The following BCKDHB variants were observed in gnomAD, a reference collection of about 807,000 sequenced individuals.
BCKDHB encodes branched chain keto acid dehydrogenase E1 subunit beta, also known as 2-oxoisovalerate dehydrogenase subunit beta, mitochondrial.
BCKDHB carries 41 observed loss-of-function variants against 48.5 expected under a neutral mutation model. The ratio of observed to expected loss-of-function variants is 0.85; its 90% CI spans 0.66 to 1.10. The LOEUF is 1.10. Ranked by LOEUF, BCKDHB falls within the 50% of genes least tolerant of loss-of-function variation. The pLI is 0.00. For missense variants in BCKDHB, 496 were observed against 494.2 expected, an observed-to-expected ratio of 1.00 and a Z score of -0.03; for synonymous variants, 201 against 174.8, an observed-to-expected ratio of 1.15 and a Z score of -1.18.
intron 8 of BCKDHB, among the ~76,000 whole-genome samples, chr6:80,265,687 T>G (rs1223835527): frequency 2.0e-5 from 3 of 152,026 alleles, no homozygotes; most frequent in Non-Finnish European, 4.4e-5. Flanking sequence ...TAAAAATGAT[T>G]AAAAGGGGAA....
chr6:80,382,208 G>A, the BCKDHB span, among the ~76,000 whole-genome samples: 1 of 152,054 alleles, frequency 6.6e-6, no homozygotes, highest in African/African-American at 2.4e-5. Context: ...AATAAGATGT[G>A]GAAGACCTAG....
intron 1 of BCKDHB, among the ~76,000 whole-genome samples, chr6:80,117,503 C>T (rs547025663): frequency 6.6e-6 from 1 of 152,320 alleles, no homozygotes; most frequent in East Asian, 1.9e-4. Context: ...CATAAACTGG[C>T]CCCAAAACTG....
In BCKDHB at chr6:80,206,583, G is replaced by A. The variant is rs1462652885; in HGVS notation, c.951+3371G>A. Among the ~76,000 whole-genome samples, 6 of 151,426 alleles carry A rather than the reference G, an allele frequency of 4.0e-5. No homozygotes were observed. In the East Asian group the frequency reaches 5.8e-4, roughly 15 times the overall value. Reference sequence around the variant, plus strand: ...TGTGTGTGTGTACATGTATGTATATGGATCAAGTAAACTTTGTGGAGCCAT... The same window carrying A: ...TGTGTGTGTGTACATGTATGTATATAGATCAAGTAAACTTTGTGGAGCCAT... On this transcript the variant is annotated intron_variant, in intron 8 of 9. Transcript: ENST00000320393.
chr6:80,110,234 G>T (rs992096262), intron 1 of BCKDHB, among the ~76,000 whole-genome samples: 3 of 152,130 alleles, frequency 2.0e-5, no homozygotes, highest in Non-Finnish European at 4.4e-5. Flanking sequence ...GTATGGATGT[G>T]AGTTTGTTTA....
At chr6:80,153,863 G>C (rs539431127) in intron 3 of BCKDHB, among the ~76,000 whole-genome samples, 1 of 152,288 alleles carries the variant, frequency 6.6e-6, no homozygotes, top group East Asian at 1.9e-4. Flanking sequence ...TTAAACCCAT[G>C]TATCGTGATG....
At chr6:80,194,886 A>C (rs376296935) in intron 6 of BCKDHB, among the ~76,000 whole-genome samples, 1 of 152,262 alleles carries the variant, frequency 6.6e-6, no homozygotes, top group East Asian at 1.9e-4. Flanking sequence ...TCCTTTTGCC[A>C]TAATACTCAG....
chr6:80,410,379 A>G, the BCKDHB span, among the ~76,000 whole-genome samples: 54 of 152,172 alleles, frequency 3.5e-4, 1 homozygote, highest in South Asian at 1.5e-3. Context: ...TGCCCTTAAC[A>G]TTGTTTCCTT....
At chr6:80,370,891 G>T in the BCKDHB span, among the ~76,000 whole-genome samples, 4 of 151,762 alleles carry the variant, frequency 2.6e-5, no homozygotes, top group East Asian at 5.8e-4. Flanking sequence ...CTCATTGATT[G>T]ATGGGGATTT....
chr6:80,129,267 C>A (rs879137299), intron 3 of BCKDHB, 38 bp downstream of exon 3: 3 of 1,522,108 alleles, frequency 2.0e-6, no homozygotes, highest in South Asian at 1.1e-5. Flanking sequence ...TCTGATAGAA[C>A]TTTTACTAAA....
intron 1 of BCKDHB, among the ~76,000 whole-genome samples, chr6:80,116,362 T>A (rs1020338110): frequency 1.3e-5 from 2 of 152,266 alleles, no homozygotes; most frequent in Non-Finnish European, 2.9e-5. Context: ...TTTCTTTTAG[T>A]TTCCTTAAAC....
chr6:80,456,536 G>A, the BCKDHB span, among the ~76,000 whole-genome samples: 15 of 152,054 alleles, frequency 9.9e-5, no homozygotes, highest in South Asian at 4.1e-4. Flanking sequence ...ACTCCTTTCC[G>A]CTTCTCCATC....
chr6:80,227,241 A>C (rs748424965), intron 8 of BCKDHB, among the ~76,000 whole-genome samples: 10 of 152,356 alleles, frequency 6.6e-5, no homozygotes, highest in Middle Eastern at 6.8e-3. Context: ...TTTGGAGGAA[A>C]GCAATGTAGT....
intron 9 of BCKDHB, chr6:80,307,598 C>T (rs963669196): frequency 3.9e-5 from 38 of 983,746 alleles, no homozygotes; most frequent in African/African-American, 1.4e-4. Flanking sequence ...ATAACAAGAT[C>T]GTCAACAGAA....
At chr6:80,118,133 T>C (rs917652605) in intron 1 of BCKDHB, among the ~76,000 whole-genome samples, 2 of 152,138 alleles carry the variant, frequency 1.3e-5, no homozygotes, top group Non-Finnish European at 2.9e-5. Flanking sequence ...ACTTGAAGAA[T>C]ATTTATAAAA....
intron 9 of BCKDHB, among the ~76,000 whole-genome samples, chr6:80,289,301 A>G (rs1489942556): frequency 6.6e-6 from 1 of 152,170 alleles, no homozygotes. Context: ...TACATAGTAC[A>G]TTGTTGAACT....
At chr6:80,128,872 C>CTGTGTGTGTG (rs60116640) in intron 2 of BCKDHB, among the ~76,000 whole-genome samples, 4 of 147,422 alleles carry the variant, frequency 2.7e-5, no homozygotes, top group Admixed American at 1.4e-4. Context: ...GTTGTCTCAA[C>CTGTGTGTGTG]TGTGTGTGTG....
chr6:80,389,055 A>C, the BCKDHB span, among the ~76,000 whole-genome samples: 3 of 152,196 alleles, frequency 2.0e-5, no homozygotes, highest in African/African-American at 7.2e-5. Context: ...AGATATGTGG[A>C]TGGAAACCTC....
intron 9 of BCKDHB, among the ~76,000 whole-genome samples, chr6:80,306,500 A>AT (rs1767883529): frequency 6.6e-6 from 1 of 152,174 alleles, no homozygotes; most frequent in Non-Finnish European, 1.5e-5. Context: ...AGAATATAGG[A>AT]TTTTCTCTGA....
rs755159101 is a variant in BCKDHB at position 80,343,785 on chromosome 6, G to A, written c.1160G>A (p.Arg387Gln). The change falls in exon 10 of 10, where the codon CGA (arginine) becomes CAA (glutamine). Residue 387 changes from arginine (R) to glutamine (Q), a missense_variant. Transcript: ENST00000320393. ...PDKWKCYDAL[R>Q]KMINY ...AAATGGAAGTGTTATGATGCCCTTCGAAAAATGATCAACTATTGACCATAT... is the reference window on the plus strand; with the variant it reads ...AAATGGAAGTGTTATGATGCCCTTCAAAAAATGATCAACTATTGACCATAT... The A allele has an allele frequency of 1.7e-5, 28 of 1,613,676 alleles. No homozygotes were observed. Among genetic ancestry groups the A allele is most frequent in the African/African-American group, 2.7e-5 (2 of 74,808 alleles).
Sources: allele counts gnomAD v4.1 joint callset (sites outside exome capture counted in the v4.1 genomes callset), GRCh38; gene constraint gnomAD v4.1.1; transcripts MANE v1.5; gene names NCBI Gene and HGNC (gene_info 2026-07-23, HGNC 2026-07-21).